Variants in CANT1 observed in about 807,000 individuals in gnomAD.
CANT1 encodes the protein soluble calcium-activated nucleotidase 1.
In CANT1, 26 loss-of-function variants were observed where a neutral mutation model predicts 30.0. The observed-to-expected ratio is 0.87, with a 90% confidence interval of 0.64 to 1.20. The LOEUF is 1.20. Among genes scored for constraint, CANT1 ranks in the 50% most tolerant of loss-of-function variants. The pLI is 0.00. For missense variants in CANT1, 518 were observed against 563.0 expected (o/e 0.92, Z 0.81); for synonymous variants, 246 against 251.8 (o/e 0.98, Z 0.22).
Position 79,008,339 on chromosome 17 carries a change from A to G in CANT1, c.-147+1325T>C, listed in dbSNP as rs971803218. 6.6e-6 allele frequency among the ~76,000 whole-genome samples: 1 copy of G among 152,292 alleles called. No individual in the cohort carries two copies. Among genetic ancestry groups the G allele is most frequent in the Admixed American group, 6.5e-5 (1 of 15,300 alleles). ...GACCTTTCTCAGCAAAGCTCCTCAG[A>G]GGGAGAGGGAGGAAGAGCTGGGAGA... On this transcript the variant is annotated intron_variant, in intron 1 of 4. Transcript: ENST00000392446. The surrounding 1 kb of genome is among the most constrained non-coding windows in gnomAD (Gnocchi z 4.4).
chr17:79,005,245 G>C (rs1319161532), intron 1 of CANT1: 3 of 146,482 alleles, frequency 2.0e-5, no homozygotes, highest in African/African-American at 7.7e-5. Context: ...AGTTAGGGAG[G>C]TGAGAGTTAA....
chr17:79,007,428 G>A (rs1447014946), intron 1 of CANT1, among the ~76,000 whole-genome samples: 2 of 152,160 alleles, frequency 1.3e-5, no homozygotes, highest in Non-Finnish European at 2.9e-5. Context: ...TGATAGTACT[G>A]ACCCATTTCA....
In CANT1 at chr17:78,992,755, C is replaced by T. The variant is rs979616272; in HGVS notation, c.*795G>A. 5 of 593,530 alleles carry T rather than the reference C, an allele frequency of 8.4e-6. No individual in the cohort carries two copies. The highest frequency in any genetic ancestry group is 1.9e-5 in the Admixed American group (1 of 53,400). 36.8% of individuals were successfully genotyped at this position (593,530 alleles called of 1,614,324 possible). ...CCGCCACCGCTTCCTTACAATCTCC[C>T]GCACTGCTGGAGCGGGCTGGGTAAC... On this transcript the variant is annotated 3_prime_UTR_variant, in exon 5 of 5. Coordinates refer to ENST00000392446, the MANE Select transcript of CANT1 (RefSeq NM_001159773.2).
chr17:78,997,482 C>T lies in CANT1; in HGVS notation c.141G>A (p.Leu47=). 1 of 1,589,624 alleles carries T rather than the reference C, an allele frequency of 6.3e-7. No individual in the cohort carries two copies. The highest frequency in any genetic ancestry group is 8.6e-7 in the Non-Finnish European group (1 of 1,165,696). ...GGATGGCAGCACCCACAAAGAACGTCAGGATCACCTTCCAGCGGGGGCGGA... is the reference window on the plus strand; with the variant it reads ...GGATGGCAGCACCCACAAAGAACGTTAGGATCACCTTCCAGCGGGGGCGGA... The part of the protein sequence containing the change: ...PRFRPRWKVI[L]TFFVGAAILW... Residue 47 remains leucine, a synonymous_variant, in exon 3 of 5, where the codon CTG becomes CTA. Transcript: ENST00000392446. This position sits in a 1 kb window ranked among gnomAD's most constrained non-coding sequence, Gnocchi z 7.5.
In CANT1 at chr17:78,998,628, G is replaced by A. The variant is rs958666134; in HGVS notation, c.-146-665C>T. Among the ~76,000 whole-genome samples, 1 of 152,228 alleles carries A rather than the reference G, an allele frequency of 6.6e-6. No individual in the cohort carries two copies. The highest frequency in any genetic ancestry group is 2.4e-5 in the African/African-American group (1 of 41,458). Reference sequence around the variant, plus strand: ...ACTGCTGTCGCCAAGCCCACTTCCCGGGCATACAGCATGATGGCTCAGTGC... The same window carrying A: ...ACTGCTGTCGCCAAGCCCACTTCCCAGGCATACAGCATGATGGCTCAGTGC... On this transcript the variant is annotated intron_variant, in intron 1 of 4. Coordinates refer to ENST00000392446, the MANE Select transcript of CANT1 (RefSeq NM_001159773.2). This position sits in a 1 kb window ranked among gnomAD's most constrained non-coding sequence, Gnocchi z 4.5.
In CANT1 at chr17:78,995,960, G is replaced by C. The variant is rs1401557645; in HGVS notation, c.632-739C>G. Among the ~76,000 whole-genome samples, 3 of 152,040 alleles carry C rather than the reference G, an allele frequency of 2.0e-5. No individual in the cohort carries two copies. The highest frequency in any genetic ancestry group is 7.2e-5 in the African/African-American group (3 of 41,394). ...TGCGATGAGACATTCTCCATGCCAGGGTCTTCCATCCCTCCCGGATGACCT... is the reference window on the plus strand; with the variant it reads ...TGCGATGAGACATTCTCCATGCCAGCGTCTTCCATCCCTCCCGGATGACCT... On this transcript the variant is annotated intron_variant, in intron 3 of 4. Coordinates refer to ENST00000392446, the MANE Select transcript of CANT1 (RefSeq NM_001159773.2). This position sits in a 1 kb window ranked among gnomAD's most constrained non-coding sequence, Gnocchi z 5.7.
chr17:79,009,355 G>A (rs540669810), intron 1 of CANT1, among the ~76,000 whole-genome samples: 1 of 152,130 alleles, frequency 6.6e-6, no homozygotes, highest in South Asian at 2.1e-4. Context: ...TTAGAGAGGA[G>A]GGGTGCCCAC....
At chr17:78,994,048 G>T in intron 4 of CANT1, 128 bp from the exon 5 acceptor site, 1 of 1,247,622 alleles carries the variant, frequency 8.0e-7, no homozygotes, top group Non-Finnish European at 1.1e-6. Context: ...ACAGCAACCC[G>T]CCCCTCCCTG....
Position 78,995,361 on chromosome 17 carries a change from G to A in CANT1, c.632-140C>T, listed in dbSNP as rs1453078057. 6.5e-6 allele frequency: 6 copies of A among 916,888 alleles called. No individual in the cohort carries two copies. The highest frequency in any genetic ancestry group is 3.3e-5 in the African/African-American group (2 of 60,898). 56.8% of individuals were successfully genotyped at this position (916,888 alleles called of 1,614,324 possible). The stretch of plus-strand genomic sequence containing the variant: ...TCCACACCTGCCTCCCCTCCGGCCC[G>A]CACCTGGCTCCCGCCCAGGGCCGGC... On this transcript the variant is annotated intron_variant, in intron 3 of 4. Transcript: ENST00000392446. This position sits in a 1 kb window ranked among gnomAD's most constrained non-coding sequence, Gnocchi z 5.7.
rs1181150866 is a variant in CANT1 at position 78,992,037 on chromosome 17, C to T, written c.*1513G>A. ...GAGGCGGGTCAAGGAGACAGCCAGG[C>T]AAAGTCAGAACAGACTTGGGGCTTC... On this transcript the variant is annotated 3_prime_UTR_variant, in exon 5 of 5. Transcript: ENST00000392446. 4.3e-6 allele frequency: 1 copy of T among 231,680 alleles called. No individual in the cohort carries two copies. Among genetic ancestry groups the T allele is most frequent in the Non-Finnish European group, 8.5e-6 (1 of 117,118 alleles). The allele number at this position is 231,680 out of a possible 1,614,324, so 14.4% of individuals were successfully genotyped here. A position where few individuals can be genotyped will look rare whatever the true frequency, so the allele number is the denominator to read the frequency against.
Position 78,997,424 on chromosome 17 carries a change from C to T in CANT1, c.199G>A (p.Gly67Ser), listed in dbSNP as rs751031072. Residue 67 changes from glycine to serine, a missense_variant, in exon 3 of 5, where the codon GGC becomes AGC. By Grantham distance (56) the Gly-to-Ser change is moderately conservative. Coordinates refer to ENST00000392446, the MANE Select transcript of CANT1 (RefSeq NM_001159773.2). This position sits in a 1 kb window ranked among gnomAD's most constrained non-coding sequence, Gnocchi z 7.5. ...TGTGCATTGTGGGTGGGGGGCCTGC[C>T]GGGGGCCGGGCGGTGGGAGCAGAGC... ...WLLCSHRPAP[G>S]RPPTHNAHNW... is the part of the protein sequence containing the mutation. 9 of 1,338,712 alleles carry T rather than the reference C, an allele frequency of 6.7e-6. No individual in the cohort carries two copies. Among genetic ancestry groups the T allele is most frequent in the East Asian group, 3.4e-5 (1 of 29,478 alleles). The allele number at this position is 1,338,712 out of a possible 1,614,324, so 82.9% of individuals were successfully genotyped here. A position where few individuals can be genotyped will look rare whatever the true frequency, so the allele number is the denominator to read the frequency against.
chr17:79,001,639 C>T (rs766368082), intron 1 of CANT1, among the ~76,000 whole-genome samples: 2 of 142,812 alleles, frequency 1.4e-5, no homozygotes, highest in Non-Finnish European at 3.1e-5. Context: ...TCTGGCTAAT[C>T]CTCAGAAGCA....
In CANT1 at chr17:78,992,585, C is replaced by A; in HGVS notation, c.*965G>T. The A allele has an allele frequency of 2.2e-6, 1 of 460,606 alleles. No homozygotes were observed. The highest frequency in any genetic ancestry group is 1.9e-5 in the South Asian group (1 of 53,824). The allele number at this position is 460,606 out of a possible 1,614,324, so 28.5% of individuals were successfully genotyped here. ...AAGAGACAGGCCTCGTTCACAGACC[C>A]TAGGCAGGGAATAAAAAATTCAAGT... is the stretch of plus-strand genomic sequence containing the variant. On this transcript the variant is annotated 3_prime_UTR_variant, in exon 5 of 5. Coordinates refer to ENST00000392446, the MANE Select transcript of CANT1 (RefSeq NM_001159773.2).
rs1231133154 is a variant in CANT1 at position 79,002,665 on chromosome 17, C to T, written c.-146-4702G>A. On this transcript the variant is annotated intron_variant, in intron 1 of 4. Transcript: ENST00000392446. The surrounding 1 kb of genome is among the most constrained non-coding windows in gnomAD (Gnocchi z 4.0). Reference sequence around the variant, plus strand: ...CAACAGACTGTGGAGGCTGAAAATACTGACTCCCTGTCCCTCGACAGATCC... The same window carrying T: ...CAACAGACTGTGGAGGCTGAAAATATTGACTCCCTGTCCCTCGACAGATCC... Among the ~76,000 whole-genome samples the T allele has an allele frequency of 6.6e-6, 1 of 152,228 alleles. No homozygotes were observed. The highest frequency in any genetic ancestry group is 1.5e-5 in the Non-Finnish European group (1 of 68,042).
rs776735475 is a variant in CANT1 at position 78,997,001 on chromosome 17, C to T, written c.622G>A (p.Val208Met). 44 of 1,614,030 alleles carry T rather than the reference C, an allele frequency of 2.7e-5. No homozygotes were observed. The East Asian group carries it at 6.0e-4, about 22-fold the overall frequency. Residue 208 changes from valine (V) to methionine (M), a missense_variant, in exon 3 of 5, where the codon GTG (valine) becomes ATG (methionine). Coordinates refer to ENST00000392446, the MANE Select transcript of CANT1 (RefSeq NM_001159773.2). The surrounding 1 kb of genome is among the most constrained non-coding windows in gnomAD (Gnocchi z 7.5). Reference protein sequence around the residue: ...WVILSDGDGTVEKGFKAEWLA... With the variant: ...WVILSDGDGTMEKGFKAEWLA... ...CTCAGGGTCCAGTTACCTTTCTCCA[C>T]GGTGCCGTCGCCGTCGGACAGAATC... is the stretch of plus-strand genomic sequence containing the variant.
chr17:78,994,011 G>T lies in CANT1; in HGVS notation c.836-91C>A, dbSNP rs913881489. ...GGCCGTGCGCAGTAGCAGGCAAGGG[G>T]CTGCGACCACCAGGGCCCACCAGCT... On this transcript the variant is annotated intron_variant, in intron 4 of 4. Transcript: ENST00000392446. The T allele has an allele frequency of 6.1e-6, 9 of 1,468,824 alleles. No homozygotes were observed. The Admixed American group carries it at 6.6e-5, about 11-fold the overall frequency. 91.0% of individuals were successfully genotyped at this position (1,468,824 alleles called of 1,614,324 possible). A position where few individuals can be genotyped will look rare whatever the true frequency, so the allele number is the denominator to read the frequency against.
chr17:79,008,999 G>A lies in CANT1; in HGVS notation c.-147+665C>T, dbSNP rs1188192290. On this transcript the variant is annotated intron_variant, in intron 1 of 4. Transcript: ENST00000392446. The surrounding 1 kb of genome is among the most constrained non-coding windows in gnomAD (Gnocchi z 4.4). ...GGAGAAAATTCCCTTATCAGTCCAA[G>A]GAGACCCTGCATAGACCAGAGGAGG... 6.6e-6 allele frequency among the ~76,000 whole-genome samples: 1 copy of A among 152,218 alleles called. No individual in the cohort carries two copies. The highest frequency in any genetic ancestry group is 1.5e-5 in the Non-Finnish European group (1 of 68,026).
chr17:79,001,580 C>T (rs1568041206), intron 1 of CANT1, among the ~76,000 whole-genome samples: 1 of 151,842 alleles, frequency 6.6e-6, no homozygotes, highest in African/African-American at 2.4e-5. Context: ...CCCAGGCCCC[C>T]TCGCCCACCA....
At position 78,992,854 on chromosome 17, in the gene CANT1, A is replaced by C. The variant is rs149991908; in HGVS notation, c.*696T>G. On this transcript the variant is annotated 3_prime_UTR_variant, in exon 5 of 5. Transcript: ENST00000392446. ...GAAAGGAAACTGCTTTAATTAAAGC[A>C]GGTTAATAATTAAAACTTCAAAGTA... 794 of 376,982 alleles carry C rather than the reference A, an allele frequency of 2.1e-3. 5 individuals carry two copies. Among genetic ancestry groups the C allele is most frequent in the African/African-American group, 0.015 (739 of 49,280 alleles). 23.4% of individuals were successfully genotyped at this position (376,982 alleles called of 1,614,324 possible). A position where few individuals can be genotyped will look rare whatever the true frequency, so the allele number is the denominator to read the frequency against.
Sources: allele counts gnomAD v4.1 joint callset (sites outside exome capture counted in the v4.1 genomes callset), GRCh38; gene constraint gnomAD v4.1.1; non-coding constraint Gnocchi (gnomAD v3.1); transcripts MANE v1.5; gene names NCBI Gene and HGNC (gene_info 2026-07-23, HGNC 2026-07-21).